The following SEH1L variants were observed in gnomAD, a reference collection of about 807,000 sequenced individuals.
SEH1L encodes the protein SEH1 like nucleoporin.
SEH1L carries 18 observed loss-of-function variants against 49.5 expected under a neutral mutation model. The observed-to-expected ratio is 0.36, with a 90% CI of 0.25 to 0.54. SEH1L has a LOEUF of 0.54. Ranked by LOEUF, SEH1L falls within the 20% of genes least tolerant of loss-of-function variation. The pLI is 0.87. For missense variants in SEH1L, 404 were observed against 528.8 expected (o/e 0.76, Z 2.31); for synonymous variants, 169 against 178.1 (o/e 0.95, Z 0.41).
At chr18:12,955,635 G>C (rs758405955) in intron 3 of SEH1L, 26 bp downstream of exon 3, 1 of 1,608,916 alleles carries the variant, frequency 6.2e-7, no homozygotes, top group Non-Finnish European at 8.5e-7. Context: ...GTATTCTGGG[G>C]ACCGGGAAGA....
chr18:12,950,181 A>G (rs1598936879), intron 1 of SEH1L, among the ~76,000 whole-genome samples: 1 of 151,554 alleles, frequency 6.6e-6, no homozygotes, highest in East Asian at 1.9e-4. Flanking sequence ...CTACGAGTGC[A>G]CGCCACCACG....
intron 8 of SEH1L, 161 bp downstream of exon 8, chr18:12,984,351 C>A: frequency 1.3e-6 from 1 of 747,420 alleles, no homozygotes; most frequent in Non-Finnish European, 2.2e-6. Flanking sequence ...ATGTATTTGG[C>A]TTACTTGGTC....
chr18:12,985,064 C>T (rs947599773), intron 8 of SEH1L, among the ~76,000 whole-genome samples: 3 of 152,268 alleles, frequency 2.0e-5, no homozygotes, highest in Non-Finnish European at 2.9e-5. Context: ...TTTCATGAAA[C>T]AAATAATATT....
intron 4 of SEH1L, 145 bp downstream of exon 4, chr18:12,963,516 G>A (rs2031292451): frequency 1.6e-6 from 1 of 620,252 alleles, no homozygotes; most frequent in Non-Finnish European, 2.8e-6. Flanking sequence ...ACCCAGGCAT[G>A]TCATTTGTCC....
chr18:12,952,114 ATTATC>A (rs2030569712), intron 2 of SEH1L, among the ~76,000 whole-genome samples: 1 of 151,714 alleles, frequency 6.6e-6, no homozygotes, highest in Non-Finnish European at 1.5e-5. Context: ...TTCTAACATA[ATTATC>A]TTAGTAATTC....
rs1158856187 is a variant in SEH1L at position 12,949,613 on chromosome 18, C to T, written c.111+1381C>T. 4.0e-5 allele frequency among the ~76,000 whole-genome samples: 6 copies of T among 151,638 alleles called. No homozygotes were observed. In the South Asian group the frequency reaches 1.0e-3, roughly 26 times the overall value. ...GACTACAGGCGCCCGCCACCACGCC[C>T]GGCTAATTTTTTGTATTTTTTAGTA... On this transcript the variant is annotated intron_variant, in intron 1 of 8. Coordinates refer to ENST00000399892, the MANE Select transcript of SEH1L (RefSeq NM_001013437.2).
Position 12,980,027 on chromosome 18 carries a change from G to A in SEH1L, c.761+1135G>A, listed in dbSNP as rs371171674. Among the ~76,000 whole-genome samples the A allele has an allele frequency of 1.2e-3, 158 of 128,064 alleles. 6 individuals are homozygous for A. In the East Asian group the frequency reaches 0.035, roughly 29 times the overall value. 84.0% of individuals were successfully genotyped at this position (128,064 alleles called of 152,430 possible). A position where few individuals can be genotyped will look rare whatever the true frequency, so the allele number is the denominator to read the frequency against. Reference sequence around the variant, plus strand: ...TGACCCCCCCACCTCCCTCCCGGACGGGCGGCTGACCCCCCCACCTCCCTC... The same window carrying A: ...TGACCCCCCCACCTCCCTCCCGGACAGGCGGCTGACCCCCCCACCTCCCTC... On this transcript the variant is annotated intron_variant, in intron 6 of 8. Coordinates refer to ENST00000399892, the MANE Select transcript of SEH1L (RefSeq NM_001013437.2).
Position 12,950,238 on chromosome 18 carries a change from G to A in SEH1L, c.112-1617G>A, listed in dbSNP as rs138176288. Among the ~76,000 whole-genome samples the A allele has an allele frequency of 4.6e-3, 707 of 152,078 alleles. 8 individuals carry two copies. Among genetic ancestry groups the A allele is most frequent in the African/African-American group, 0.015 (616 of 41,490 alleles). On this transcript the variant is annotated intron_variant, in intron 1 of 8. Coordinates refer to ENST00000399892, the MANE Select transcript of SEH1L (RefSeq NM_001013437.2). Reference sequence around the variant, plus strand: ...TTTTGTAGAGGCAGGGTCTTGCTGCGTTGCCCAGGCTAGTCTCGAACTCCT... The same window carrying A: ...TTTTGTAGAGGCAGGGTCTTGCTGCATTGCCCAGGCTAGTCTCGAACTCCT...
At position 12,986,941 on chromosome 18, in the gene SEH1L, C is replaced by T. The variant is rs1330985737; in HGVS notation, c.1150C>T (p.Pro384Ser). 1.9e-6 allele frequency: 3 copies of T among 1,613,952 alleles called. No homozygotes were observed. The highest frequency in any genetic ancestry group is 3.3e-5 in the Admixed American group (2 of 60,014). Residue 384 changes from proline to serine, a missense_variant, in exon 9 of 9, where the codon CCT (proline) becomes TCT (serine). Physicochemically the swap from Pro to Ser is moderately conservative, Grantham distance 74. Coordinates refer to ENST00000399892, the MANE Select transcript of SEH1L (RefSeq NM_001013437.2). ...TGCCCAGCTCCTTCCTCCTCCTCCT[C>T]CTCCTCTGGTAGAGCACTCTTGCGA... ...SYAQLLPPPP[P>S]PLVEHSCDAD...
At chr18:12,948,390 C>A in intron 1 of SEH1L, 158 bp downstream of exon 1, 1 of 551,074 alleles carries the variant, frequency 1.8e-6, no homozygotes, top group African/African-American at 2.0e-5. Context: ...GCCCTCCCCG[C>A]CCGCGTATTG....
At chr18:12,966,336 C>T (rs1283644432) in intron 4 of SEH1L, among the ~76,000 whole-genome samples, 1 of 152,162 alleles carries the variant, frequency 6.6e-6, no homozygotes, top group African/African-American at 2.4e-5. Context: ...AGGTGATTTG[C>T]CGGCCTCGGC....
intron 2 of SEH1L, among the ~76,000 whole-genome samples, chr18:12,953,713 A>G (rs370806736): frequency 4.7e-4 from 72 of 152,350 alleles, no homozygotes; most frequent in African/African-American, 1.6e-3. Context: ...AGAGTAAACA[A>G]TTAATTGGCA....
At chr18:12,952,001 C>T (rs536738341) in intron 2 of SEH1L, 96 bp downstream of exon 2, 2 of 645,736 alleles carry the variant, frequency 3.1e-6, no homozygotes, top group South Asian at 2.2e-5. Flanking sequence ...AACATTTATA[C>T]AGTAGTTCTT....
chr18:12,948,332 G>T lies in SEH1L; in HGVS notation c.111+100G>T, dbSNP rs2030245954. On this transcript the variant is annotated intron_variant, in intron 1 of 8. Coordinates refer to ENST00000399892, the MANE Select transcript of SEH1L (RefSeq NM_001013437.2). ...GGCTGTGTCTTGGTTCAGTGACGCC[G>T]CTGGAAGCTGTGGGGTGGCGGGCGA... is the stretch of plus-strand genomic sequence containing the variant. 3 of 844,518 alleles carry T rather than the reference G, an allele frequency of 3.6e-6. No individual in the cohort carries two copies. The South Asian group carries it at 4.5e-5, about 13-fold the overall frequency. The allele number at this position is 844,518 out of a possible 1,614,324, so 52.3% of individuals were successfully genotyped here.
intron 4 of SEH1L, among the ~76,000 whole-genome samples, chr18:12,970,778 A>G (rs1337711549): frequency 1.3e-5 from 2 of 152,234 alleles, no homozygotes; most frequent in African/African-American, 4.8e-5. Flanking sequence ...AGTTAGTCAC[A>G]GTAGGGTTAC....
chr18:12,986,651 TAAGC>T, intron 8 of SEH1L: 2 of 1,204,352 alleles, frequency 1.7e-6, no homozygotes, highest in Non-Finnish European at 2.1e-6. Flanking sequence ...TATACTTGCT[TAAGC>T]AATCTTGATT....
intron 6 of SEH1L, among the ~76,000 whole-genome samples, chr18:12,980,004 A>G (rs1417097828): frequency 1.1e-5 from 1 of 94,048 alleles, no homozygotes; most frequent in Admixed American, 1.2e-4. Flanking sequence ...CGCGGGGCTG[A>G]CCCCCCCACC....
chr18:12,983,391 C>G (rs2032347011), intron 7 of SEH1L, among the ~76,000 whole-genome samples: 1 of 152,206 alleles, frequency 6.6e-6, no homozygotes, highest in Non-Finnish European at 1.5e-5. Context: ...TTTGGTAAAA[C>G]CAGCCCAGAC....
intron 3 of SEH1L, among the ~76,000 whole-genome samples, chr18:12,956,655 A>G (rs567905436): frequency 1.9e-4 from 28 of 148,704 alleles, no homozygotes; most frequent in Non-Finnish European, 3.6e-4. Flanking sequence ...AAGACATTCT[A>G]TATTTAGGAT....
Sources: allele counts gnomAD v4.1 joint callset (sites outside exome capture counted in the v4.1 genomes callset), GRCh38; gene constraint gnomAD v4.1.1; transcripts MANE v1.5; gene names NCBI Gene and HGNC (gene_info 2026-07-23, HGNC 2026-07-21).